The following SPATA16 variants were observed in gnomAD, a reference collection of about 807,000 sequenced individuals.
SPATA16 encodes the protein spermatogenesis associated 16.
Under a neutral mutation model 63.3 loss-of-function variants are expected in SPATA16, and 36 were observed. That is an observed-to-expected ratio of 0.57 (90% CI 0.44 to 0.75). The LOEUF is 0.75. Among genes scored for constraint, SPATA16 ranks in the 30% least tolerant of loss-of-function variants. The pLI is 0.00. For synonymous variants in SPATA16, 203 were observed against 216.7 expected, an observed-to-expected ratio of 0.94 and a Z score of 0.56; for missense variants, 646 against 679.3, an observed-to-expected ratio of 0.95 and a Z score of 0.54.
At chr3:173,015,725 T>G (rs951112955) in intron 4 of SPATA16, among the ~76,000 whole-genome samples, 1 of 152,238 alleles carries the variant, frequency 6.6e-6, no homozygotes. Flanking sequence ...GTGCTAGTCA[T>G]GGAGCACAAA....
intron 4 of SPATA16, among the ~76,000 whole-genome samples, chr3:172,980,612 A>G (rs905795097): frequency 1.3e-5 from 2 of 152,040 alleles, no homozygotes; most frequent in African/African-American, 4.8e-5. Context: ...AACCTGACCC[A>G]CCCACTTCTG....
chr3:173,066,768 A>G (rs976953172), intron 2 of SPATA16, among the ~76,000 whole-genome samples: 12 of 152,138 alleles, frequency 7.9e-5, no homozygotes, highest in African/African-American at 2.9e-4. Context: ...ATAAACAAAC[A>G]TCCATAAGCA....
chr3:172,966,862 T>C lies in SPATA16; in HGVS notation c.934-10038A>G, dbSNP rs117307928. On this transcript the variant is annotated intron_variant, in intron 5 of 10. Coordinates refer to ENST00000351008, the MANE Select transcript of SPATA16 (RefSeq NM_031955.6). Reference sequence around the variant, plus strand: ...GATTTCATGGAATAGTTATTACACATCTCCAACTGCTAAAAAAAGTGACCT... The same window carrying C: ...GATTTCATGGAATAGTTATTACACACCTCCAACTGCTAAAAAAAGTGACCT... Among the ~76,000 whole-genome samples the C allele has an allele frequency of 1.8e-4, 28 of 152,228 alleles. No homozygotes were observed. The East Asian group carries it at 5.0e-3, about 27-fold the overall frequency.
At chr3:173,011,888 A>AT (rs1456334888) in intron 4 of SPATA16, among the ~76,000 whole-genome samples, 1 of 152,182 alleles carries the variant, frequency 6.6e-6, no homozygotes, top group Non-Finnish European at 1.5e-5. Flanking sequence ...ATCATAGTTC[A>AT]TTCCAGCCTC....
At chr3:172,965,637 A>AT (rs1289332331) in intron 5 of SPATA16, among the ~76,000 whole-genome samples, 5 of 150,596 alleles carry the variant, frequency 3.3e-5, no homozygotes, top group African/African-American at 1.2e-4. Flanking sequence ...TTTATTATTT[A>AT]TTATTTTTTT....
chr3:172,966,191 A>G (rs1733916287), intron 5 of SPATA16, among the ~76,000 whole-genome samples: 1 of 152,250 alleles, frequency 6.6e-6, no homozygotes, highest in African/African-American at 2.4e-5. Flanking sequence ...GTAATATTAA[A>G]TGAAATGAGA....
chr3:173,131,058 C>G (rs968388978), intron 1 of SPATA16, among the ~76,000 whole-genome samples: 1 of 152,084 alleles, frequency 6.6e-6, no homozygotes, highest in Non-Finnish European at 1.5e-5. Context: ...TTAAGGACTA[C>G]GGAAATATTT....
chr3:172,975,662 A>G (rs1734139620), intron 5 of SPATA16, among the ~76,000 whole-genome samples: 1 of 152,152 alleles, frequency 6.6e-6, no homozygotes, highest in Non-Finnish European at 1.5e-5. Flanking sequence ...TCAGAGAAGT[A>G]ATAGGTTGTT....
rs540225963 is a variant in SPATA16 at position 173,026,398 on chromosome 3, A to G, written c.759-6823T>C. 5.3e-5 allele frequency among the ~76,000 whole-genome samples: 8 copies of G among 151,954 alleles called. No homozygotes were observed. In the East Asian group the frequency reaches 1.5e-3, roughly 29 times the overall value. On this transcript the variant is annotated intron_variant, in intron 3 of 10. Coordinates refer to ENST00000351008, the MANE Select transcript of SPATA16 (RefSeq NM_031955.6). ...CTGAGTCTGTGGCTTGTCTTTTAATATTCTCAATAGTTTCTTTTGAAGAGC... is the reference window on the plus strand; with the variant it reads ...CTGAGTCTGTGGCTTGTCTTTTAATGTTCTCAATAGTTTCTTTTGAAGAGC...
At chr3:173,030,340 G>A (rs529148295) in intron 3 of SPATA16, among the ~76,000 whole-genome samples, 6 of 152,106 alleles carry the variant, frequency 3.9e-5, no homozygotes, top group Admixed American at 3.9e-4. Flanking sequence ...CTGTTACAGG[G>A]TTGATATCCA....
intron 2 of SPATA16, among the ~76,000 whole-genome samples, chr3:173,103,643 C>T (rs1251203678): frequency 6.6e-6 from 1 of 152,220 alleles, no homozygotes; most frequent in African/African-American, 2.4e-5. Flanking sequence ...GGCACTGGCT[C>T]TAGGACATGA....
intron 3 of SPATA16, among the ~76,000 whole-genome samples, chr3:173,028,023 TTTCCTTCCTTCCTTCCTTCC>T (rs1224712418): frequency 5.5e-5 from 2 of 36,682 alleles, no homozygotes; most frequent in East Asian, 1.1e-3. Flanking sequence ...CCCTTCCTTC[TTTCCTTCCTTCCTTCCTTCC>T]TTCCTTCCTT....
chr3:173,038,896 A>G (rs182643553), intron 3 of SPATA16, among the ~76,000 whole-genome samples: 11 of 152,262 alleles, frequency 7.2e-5, no homozygotes, highest in Admixed American at 2.0e-4. Flanking sequence ...TGAGGAAGAT[A>G]TTGTCATGAT....
chr3:172,968,495 A>G (rs1465442799), intron 5 of SPATA16, among the ~76,000 whole-genome samples: 2 of 152,322 alleles, frequency 1.3e-5, no homozygotes, highest in East Asian at 1.9e-4. Context: ...TGGGGTAGTA[A>G]AAAGCAACCT....
chr3:172,960,871 TTCTC>T (rs1368150300), intron 5 of SPATA16, among the ~76,000 whole-genome samples: 1 of 111,700 alleles, frequency 9.0e-6, no homozygotes, highest in African/African-American at 5.1e-5. Flanking sequence ...CTTACTTTCT[TTCTC>T]TCTTTCTTTC....
At chr3:173,028,023 T>C (rs13080129) in intron 3 of SPATA16, among the ~76,000 whole-genome samples, 1,655 of 35,692 alleles carry the variant, frequency 0.046, 55 homozygotes, top group East Asian at 0.097. Flanking sequence ...CCCTTCCTTC[T>C]TTCCTTCCTT....
chr3:173,123,756 A>C (rs1334860521), intron 1 of SPATA16, among the ~76,000 whole-genome samples: 1 of 151,828 alleles, frequency 6.6e-6, no homozygotes, highest in African/African-American at 2.4e-5. Context: ...GGCGCCAACC[A>C]CCATGCCCAG....
rs576026340 is a variant in SPATA16, at chr3:173,068,075, C to G, written c.613-18981G>C. 2.0e-5 allele frequency among the ~76,000 whole-genome samples: 3 copies of G among 146,366 alleles called. No homozygotes were observed. In the East Asian group the frequency reaches 6.2e-4, roughly 30 times the overall value. On this transcript the variant is annotated intron_variant, in intron 2 of 10. Coordinates refer to ENST00000351008, the MANE Select transcript of SPATA16 (RefSeq NM_031955.6). ...GGGACTTCATCAACTCTAGGCTGGT[C>G]TTAAAAGAAGTGCTAAAGAAAGTTC... is the stretch of plus-strand genomic sequence containing the variant.
chr3:173,101,135 G>A (rs1737484405), intron 2 of SPATA16, among the ~76,000 whole-genome samples: 2 of 152,102 alleles, frequency 1.3e-5, no homozygotes, highest in African/African-American at 4.8e-5. Flanking sequence ...AGGGCTTGCT[G>A]AGCTTTGAAG....
Sources: gnomAD v4.1 joint callset for allele counts (sites outside exome capture counted in the v4.1 genomes callset) on GRCh38, gnomAD v4.1.1 for gene constraint, MANE v1.5 for transcripts, NCBI Gene and HGNC (gene_info 2026-07-23, HGNC 2026-07-21) for gene names.